RTN4IP1: variants seen among roughly 807,000 people sequenced by gnomAD.
The protein encoded by RTN4IP1 is reticulon 4 interacting protein 1.
Under a neutral mutation model 46.6 loss-of-function variants are expected in RTN4IP1, and 32 were observed. The ratio of observed to expected loss-of-function variants is 0.69; its 90% confidence interval spans 0.52 to 0.92. The LOEUF is 0.92. RTN4IP1 is among the 40% of genes least tolerant of loss of function. The probability of loss-of-function intolerance (pLI) is 0.00; values close to 1 mark genes in which losing one functional copy is unlikely to be tolerated. For missense variants in RTN4IP1, 424 were observed against 485.8 expected, an observed-to-expected ratio of 0.87 and a Z score of 1.20; for synonymous variants, 167 against 161.8, an observed-to-expected ratio of 1.03 and a Z score of -0.24.
At chr6:106,594,058 C>T (rs1255998570) in intron 5 of RTN4IP1, among the ~76,000 whole-genome samples, 1 of 152,192 alleles carries the variant, frequency 6.6e-6, no homozygotes. Flanking sequence ...CATGTTGAAA[C>T]AGGTTTTTTT....
At chr6:106,598,825 T>C (rs1231711805) in intron 5 of RTN4IP1, among the ~76,000 whole-genome samples, 1 of 151,716 alleles carries the variant, frequency 6.6e-6, no homozygotes, top group Non-Finnish European at 1.5e-5. Context: ...TTTTTATGGT[T>C]TTAGGTCTAA....
At chr6:106,630,031 G>T (rs1776785129), upstream of RTN4IP1, among the ~76,000 whole-genome samples, 1 of 152,202 alleles carries the variant, frequency 6.6e-6, no homozygotes, top group Non-Finnish European at 1.5e-5. Flanking sequence ...GGCCACTTCA[G>T]TCTCTCTTCT....
At chr6:106,629,998 G>A (rs1226416497), upstream of RTN4IP1, among the ~76,000 whole-genome samples, 6 of 151,610 alleles carry the variant, frequency 4.0e-5, no homozygotes, top group East Asian at 1.2e-3. Flanking sequence ...CTCGGAGTGG[G>A]CTTTGCCAAA....
intron 5 of RTN4IP1, among the ~76,000 whole-genome samples, chr6:106,598,309 C>G (rs200676554): frequency 6.6e-6 from 1 of 152,094 alleles, no homozygotes; most frequent in South Asian, 2.1e-4. Context: ...TACAGTCCCA[C>G]CAACAGTGTA....
chr6:106,628,960 C>T lies in RTN4IP1; in HGVS notation c.62G>A (p.Arg21Lys). The T allele has an allele frequency of 6.2e-7, 1 of 1,614,092 alleles. No homozygotes were observed. The highest frequency in any genetic ancestry group is 8.5e-7 in the Non-Finnish European group (1 of 1,180,010). ...RNACTAVCFW[R>K]SKVVQKPSVR... Reference sequence around the variant, plus strand: ...TGAAGGCTTTTGGACAACTTTGCTTCTCCAGAAGCAAACCGCAGTGCATGC... The same window carrying T: ...TGAAGGCTTTTGGACAACTTTGCTTTTCCAGAAGCAAACCGCAGTGCATGC... Residue 21 changes from arginine (R) to lysine (K), a missense_variant, in exon 1 of 9, where the codon AGA (arginine) becomes AAA (lysine). Coordinates refer to ENST00000369063, the MANE Select transcript of RTN4IP1 (RefSeq NM_032730.5).
Position 106,571,147 on chromosome 6 carries a change from GTT to G in RTN4IP1, c.*847_*848del, listed in dbSNP as rs1220108773. On this transcript the variant is annotated 3_prime_UTR_variant, in exon 9 of 9. Transcript: ENST00000369063. ...CCTAATCCTTATGCAAGATGTAAGG[GTT>G]TTAAAAAGTTAGAAACTCTGCTCTC... 1 of 152,190 alleles carries G rather than the reference GTT, an allele frequency of 6.6e-6. No individual in the cohort carries two copies. Among genetic ancestry groups the G allele is most frequent in the Non-Finnish European group, 1.5e-5 (1 of 68,036 alleles). 9.4% of individuals were successfully genotyped at this position (152,190 alleles called of 1,614,324 possible).
At chr6:106,609,333 T>C (rs777769676) in intron 4 of RTN4IP1, among the ~76,000 whole-genome samples, 14 of 152,180 alleles carry the variant, frequency 9.2e-5, no homozygotes, top group Non-Finnish European at 1.9e-4. Flanking sequence ...GGCGGGAGGA[T>C]TGCTTGAGCC....
intron 8 of RTN4IP1, among the ~76,000 whole-genome samples, chr6:106,580,146 G>A (rs547416238): frequency 2.7e-5 from 4 of 150,468 alleles, no homozygotes; most frequent in East Asian, 2.0e-4. Flanking sequence ...CCCGGGAGGC[G>A]GAGCTTGCAG....
intron 1 of RTN4IP1, among the ~76,000 whole-genome samples, chr6:106,625,179 T>A (rs1342283264): frequency 6.6e-6 from 1 of 151,544 alleles, no homozygotes; most frequent in Middle Eastern, 3.2e-3. Context: ...CATGTGAGGC[T>A]TTCCATGATA....
In RTN4IP1 at chr6:106,571,413, G is replaced by A. The variant is rs7357031; in HGVS notation, c.*583C>T. On this transcript the variant is annotated 3_prime_UTR_variant, in exon 9 of 9. Coordinates refer to ENST00000369063, the MANE Select transcript of RTN4IP1 (RefSeq NM_032730.5). ...AAGTTTTAGTATTGTACATTAAGAC[G>A]ATCAGGCCCAGCAGGGTGGTTCACG... is the stretch of plus-strand genomic sequence containing the variant. 2.6e-5 allele frequency: 4 copies of A among 152,402 alleles called. No homozygotes were observed. The highest frequency in any genetic ancestry group is 1.9e-4 in the East Asian group (1 of 5,200). 9.4% of individuals were successfully genotyped at this position (152,402 alleles called of 1,614,324 possible). A position where few individuals can be genotyped will look rare whatever the true frequency, so the allele number is the denominator to read the frequency against.
intron 5 of RTN4IP1, among the ~76,000 whole-genome samples, chr6:106,594,631 A>C (rs1236330453): frequency 6.6e-6 from 1 of 152,200 alleles, no homozygotes; most frequent in East Asian, 1.9e-4. Flanking sequence ...CCCAAACCAC[A>C]GAAGCCCCTC....
intron 4 of RTN4IP1, among the ~76,000 whole-genome samples, chr6:106,612,154 A>AGGCAGGTGGATCACCTGAG (rs1776240614): frequency 6.6e-6 from 1 of 152,156 alleles, no homozygotes; most frequent in Admixed American, 6.5e-5. Flanking sequence ...TGGGAGGCCA[A>AGGCAGGTGGATCACCTGAG]GGCAGGTGGA....
chr6:106,578,689 G>A (rs948212740), intron 8 of RTN4IP1, among the ~76,000 whole-genome samples: 1 of 152,172 alleles, frequency 6.6e-6, no homozygotes, highest in East Asian at 1.9e-4. Flanking sequence ...CAGCTGCGGG[G>A]AAAGAACATT....
At chr6:106,579,854 T>A (rs1003277139) in intron 8 of RTN4IP1, among the ~76,000 whole-genome samples, 2 of 151,564 alleles carry the variant, frequency 1.3e-5, no homozygotes, top group African/African-American at 4.8e-5. Flanking sequence ...GCCCAAGCGA[T>A]CCTCCCACCT....
At chr6:106,591,951 T>C (rs879826390) in intron 6 of RTN4IP1, among the ~76,000 whole-genome samples, 3 of 152,154 alleles carry the variant, frequency 2.0e-5, no homozygotes, top group Non-Finnish European at 4.4e-5. Context: ...GCAAAATAAC[T>C]TCCTCAGTGC....
rs543061534 is a variant in RTN4IP1 at position 106,594,523 on chromosome 6, C to CA, written c.670-2224dup. 3.4e-4 allele frequency among the ~76,000 whole-genome samples: 52 copies of CA among 150,782 alleles called. 2 individuals carry two copies. In the South Asian group the frequency reaches 0.011, roughly 30 times the overall value. On this transcript the variant is annotated intron_variant, in intron 5 of 8. Coordinates refer to ENST00000369063, the MANE Select transcript of RTN4IP1 (RefSeq NM_032730.5). The stretch of plus-strand genomic sequence containing the variant: ...AGATTCTGTCTCAAAAAACAAAAAA[C>CA]AAAAAAAGAAAGAAAGAAAGAAAAC...
intron 6 of RTN4IP1, among the ~76,000 whole-genome samples, chr6:106,591,061 C>A (rs1325046798): frequency 6.6e-6 from 1 of 152,210 alleles, no homozygotes; most frequent in Admixed American, 6.5e-5. Flanking sequence ...CACAAACACA[C>A]AAATCCCATT....
intron 7 of RTN4IP1, among the ~76,000 whole-genome samples, chr6:106,585,872 A>T (rs1004449759): frequency 6.6e-6 from 1 of 152,246 alleles, no homozygotes. Context: ...ACTGGAGTAC[A>T]AACTGAAATC....
At chr6:106,625,661 C>CTTT (rs773454257) in intron 1 of RTN4IP1, among the ~76,000 whole-genome samples, 32 of 112,792 alleles carry the variant, frequency 2.8e-4, no homozygotes, top group Non-Finnish European at 3.4e-4. Context: ...TCTTTTTTTT[C>CTTT]TTTTTTTTTT....
Sources: gnomAD v4.1 joint callset for allele counts (sites outside exome capture counted in the v4.1 genomes callset) on GRCh38, gnomAD v4.1.1 for gene constraint, MANE v1.5 for transcripts, NCBI Gene and HGNC (gene_info 2026-07-23, HGNC 2026-07-21) for gene names.